NAV1: variants seen among roughly 807,000 people sequenced by gnomAD.
NAV1 encodes the protein pore membrane and/or filament interacting like protein 3.
In NAV1, 18 loss-of-function variants were observed where a neutral mutation model predicts 175.2. The observed-to-expected ratio is 0.10, with a 90% CI of 0.07 to 0.15. The LOEUF (loss-of-function observed/expected upper bound fraction) is 0.15, where lower values mean the gene tolerates loss of function less well. Among genes scored for constraint, NAV1 ranks in the 10% least tolerant of loss-of-function variants. NAV1 has a pLI of 1.00. For missense variants in NAV1, 1,731 were observed against 2,436.6 expected (o/e 0.71, Z 6.10); for synonymous variants, 897 against 978.7 (o/e 0.92, Z 1.56).
chr1:201,824,971 T>C (rs1478813698), exon 30 of NAV1: 1 of 152,198 alleles, frequency 6.6e-6, no homozygotes, highest in Admixed American at 6.5e-5. Flanking sequence ...CTTTATAGTA[T>C]TGGAGTTCCC....
At chr1:201,618,498 C>G (rs549848940), upstream of NAV1, among the ~76,000 whole-genome samples, 34 of 152,128 alleles carry the variant, frequency 2.2e-4, no homozygotes, top group Non-Finnish European at 4.0e-4. Context: ...TGGATCCCCA[C>G]TCCCCACCCC....
At chr1:201,615,617 T>A (rs1667981309) in intron 2 of NAV1, among the ~76,000 whole-genome samples, 1 of 152,230 alleles carries the variant, frequency 6.6e-6, no homozygotes, top group African/African-American at 2.4e-5. Context: ...GCTAGGTGCC[T>A]TATCTTTACT....
At chr1:201,804,114 T>C (rs1381881874) in intron 16 of NAV1, 1 of 442,556 alleles carries the variant, frequency 2.3e-6, no homozygotes, top group African/African-American at 2.0e-5. Flanking sequence ...TGGAGGTCAT[T>C]TCTTTAATTT....
chr1:201,801,555 A>C (rs1351540609), intron 15 of NAV1, among the ~76,000 whole-genome samples: 1 of 152,080 alleles, frequency 6.6e-6, no homozygotes, highest in African/African-American at 2.4e-5. Context: ...TCCTGGGCTT[A>C]AGTGATCGTC....
intron 5 of NAV1, 107 bp downstream of exon 9, chr1:201,781,416 G>A (rs1676315604): frequency 2.7e-6 from 3 of 1,125,132 alleles, no homozygotes; most frequent in Non-Finnish European, 3.7e-6. Context: ...TTTGCATAGT[G>A]CTTTAACAGA....
chr1:201,722,387 A>T (rs1481649409), intron 3 of NAV1, among the ~76,000 whole-genome samples: 2 of 152,154 alleles, frequency 1.3e-5, no homozygotes, highest in Non-Finnish European at 2.9e-5. Flanking sequence ...TGACTGGCTT[A>T]TTTACTTAGC....
Position 201,813,092 on chromosome 1 carries a change from G to A in NAV1, c.5222-48G>A, listed in dbSNP as rs372017152. ...AGGAGTAAAAGAGGCACACAACCGG[G>A]AAGATCTAGGTTCCCAGCCATCTTC... On this transcript the variant is annotated intron_variant, in intron 27 of 29. Coordinates refer to ENST00000367296, the Ensembl canonical transcript of NAV1. This position sits in a 1 kb window ranked among gnomAD's most constrained non-coding sequence, Gnocchi z 4.2. 44 of 1,364,216 alleles carry A rather than the reference G, an allele frequency of 3.2e-5. No homozygotes were observed. The highest frequency in any genetic ancestry group is 2.1e-4 in the Middle Eastern group (1 of 4,782). 84.5% of individuals were successfully genotyped at this position (1,364,216 alleles called of 1,614,324 possible).
chr1:201,789,555 G>A (rs1676974046), intron 10 of NAV1, among the ~76,000 whole-genome samples, 185 bp from the exon 15 acceptor site: 1 of 152,166 alleles, frequency 6.6e-6, no homozygotes, highest in Non-Finnish European at 1.5e-5. Flanking sequence ...GAAAGAGGAG[G>A]CTAGCTTGAC....
chr1:201,712,754 A>G, intron 1 of NAV1, 63 bp from the exon 6 acceptor site: 1 of 1,146,300 alleles, frequency 8.7e-7, no homozygotes, highest in South Asian at 1.2e-5. Flanking sequence ...CCACTTCCTG[A>G]CCCCCAGGAT....
chr1:201,682,397 T>G (rs1670502576), intron 1 of NAV1, among the ~76,000 whole-genome samples: 1 of 152,240 alleles, frequency 6.6e-6, no homozygotes, highest in Admixed American at 6.5e-5. Flanking sequence ...TCTGATGGCA[T>G]TCACTGGCTG....
intron 1 of NAV1, among the ~76,000 whole-genome samples, chr1:201,577,089 G>A (rs1470711147): frequency 6.6e-6 from 1 of 152,140 alleles, no homozygotes; most frequent in Non-Finnish European, 1.5e-5. Context: ...CTGGCCTCAA[G>A]CAATCCTCCC....
At chr1:201,725,694 G>A (rs1226879237) in intron 3 of NAV1, among the ~76,000 whole-genome samples, 3 of 151,746 alleles carry the variant, frequency 2.0e-5, no homozygotes, top group Admixed American at 6.6e-5. Context: ...AGTGGCTTAT[G>A]TCTGTAATCC....
chr1:201,613,591 G>A (rs1667914683), intron 2 of NAV1, among the ~76,000 whole-genome samples: 1 of 152,190 alleles, frequency 6.6e-6, no homozygotes. Context: ...GGCTAGGTGT[G>A]GTGGCTCATG....
At chr1:201,674,889 A>C (rs1211658696) in intron 1 of NAV1, among the ~76,000 whole-genome samples, 1 of 151,936 alleles carries the variant, frequency 6.6e-6, no homozygotes, top group Non-Finnish European at 1.5e-5. Context: ...ATACACACAC[A>C]CATAGCTGGG....
At chr1:201,640,948 T>C (rs1161508527) in intron 2 of NAV1, among the ~76,000 whole-genome samples, 1 of 152,176 alleles carries the variant, frequency 6.6e-6, no homozygotes, top group Non-Finnish European at 1.5e-5. Context: ...AATAGGTGAA[T>C]GACGAATGAC....
intron 1 of NAV1, among the ~76,000 whole-genome samples, chr1:201,573,326 C>CGTGT (rs149557758): frequency 2.7e-5 from 4 of 150,878 alleles, no homozygotes; most frequent in Middle Eastern, 3.4e-3. Flanking sequence ...TGTGTGTATG[C>CGTGT]GTGTGTGTGT....
chr1:201,591,496 T>C (rs1667192701), intron 2 of NAV1, among the ~76,000 whole-genome samples: 1 of 152,154 alleles, frequency 6.6e-6, no homozygotes. Context: ...CTGCCTGGGC[T>C]GCAGGGGCTG....
intron 3 of NAV1, among the ~76,000 whole-genome samples, chr1:201,764,711 G>A (rs1293978663): frequency 6.6e-6 from 1 of 152,184 alleles, no homozygotes; most frequent in African/African-American, 2.4e-5. Flanking sequence ...CAGGGTGTTA[G>A]GAGGCAAGAT....
intron 3 of NAV1, among the ~76,000 whole-genome samples, chr1:201,746,728 C>T (rs919196769): frequency 6.6e-6 from 1 of 152,110 alleles, no homozygotes; most frequent in African/African-American, 2.4e-5. Flanking sequence ...TGACCAGGTG[C>T]AGTGTCTCGT....
Sources: allele counts gnomAD v4.1 joint callset (sites outside exome capture counted in the v4.1 genomes callset), GRCh38; gene constraint gnomAD v4.1.1; non-coding constraint Gnocchi (gnomAD v3.1); transcripts MANE v1.5; gene names NCBI Gene and HGNC (gene_info 2026-07-23, HGNC 2026-07-21).